Variants in FABP12 observed in about 807,000 individuals in gnomAD.
The protein encoded by FABP12 is fatty acid binding protein 12.
A neutral mutation model predicts 13.7 loss-of-function variants in FABP12; 19 were observed. The ratio of observed to expected loss-of-function variants is 1.39; its 90% CI spans 0.97 to 2.04. FABP12 has a LOEUF of 2.04. FABP12 is among the 30% of genes most tolerant of loss of function. The probability of loss-of-function intolerance (pLI) is 0.00; values close to 1 mark genes in which losing one functional copy is unlikely to be tolerated. For synonymous variants in FABP12, 61 were observed against 57.0 expected (o/e 1.07, Z -0.32); for missense variants, 182 against 164.2 (o/e 1.11, Z -0.59).
At chr8:81,537,411 T>A (rs1469301243), upstream of FABP12, among the ~76,000 whole-genome samples, 1 of 144,456 alleles carries the variant, frequency 6.9e-6, no homozygotes, top group Non-Finnish European at 1.5e-5. Context: ...ATTCTTCTAC[T>A]TTTTTTTTTA....
At chr8:81,530,666 T>G (rs370653987) in intron 2 of FABP12, among the ~76,000 whole-genome samples, 1 of 152,228 alleles carries the variant, frequency 6.6e-6, no homozygotes, top group African/African-American at 2.4e-5. Flanking sequence ...GAATGTTACC[T>G]TTACATGTTA....
chr8:81,580,025 C>G (rs575898907), intron 1 of FABP12, among the ~76,000 whole-genome samples: 64 of 152,318 alleles, frequency 4.2e-4, no homozygotes, highest in Non-Finnish European at 2.1e-4. Context: ...TACACACCTA[C>G]TTTCCACCTG....
In FABP12 at chr8:81,553,447, T is replaced by G. The variant is rs528494223; in HGVS notation, c.-184-13704A>C. On this transcript the variant is annotated intron_variant, in intron 1 of 5. Transcript: ENST00000692030. ...ACAGTGCTATTGTACCAATTTATAC[T>G]ATATTTTCACTTGATATGGTAAAGT... Among the ~76,000 whole-genome samples, 5 of 152,356 alleles carry G rather than the reference T, an allele frequency of 3.3e-5. No homozygotes were observed. The South Asian group carries it at 1.0e-3, about 32-fold the overall frequency.
intron 1 of FABP12, among the ~76,000 whole-genome samples, chr8:81,571,024 A>G (rs1011664267): frequency 6.7e-5 from 10 of 148,896 alleles, no homozygotes; most frequent in African/African-American, 2.5e-4. Context: ...AGGCACCTGC[A>G]GGCCAGCGCC....
intron 1 of FABP12, among the ~76,000 whole-genome samples, chr8:81,551,886 C>G (rs917980038): frequency 6.6e-6 from 1 of 152,092 alleles, no homozygotes; most frequent in Non-Finnish European, 1.5e-5. Flanking sequence ...TTCATTCATT[C>G]ATTCATGTAT....
intron 1 of FABP12, among the ~76,000 whole-genome samples, chr8:81,560,227 C>G (rs185785922): frequency 6.6e-6 from 1 of 152,118 alleles, no homozygotes; most frequent in South Asian, 2.1e-4. Flanking sequence ...CATAATTGGC[C>G]CCTACTGCCC....
chr8:81,537,242 A>G (rs567067086), upstream of FABP12, among the ~76,000 whole-genome samples: 1 of 152,218 alleles, frequency 6.6e-6, no homozygotes, highest in African/African-American at 2.4e-5. Flanking sequence ...AGACAGAAAG[A>G]TACGAGAATC....
intron 1 of FABP12, among the ~76,000 whole-genome samples, chr8:81,582,118 A>ATTTTTTTTTTTTTTTT (rs34960860): frequency 2.1e-5 from 2 of 96,788 alleles, no homozygotes; most frequent in East Asian, 3.4e-4. Context: ...GCTAACTGGA[A>ATTTTTTTTTTTTTTTT]TTTTTTTTTT....
chr8:81,574,755 C>T (rs1810003846), intron 1 of FABP12, among the ~76,000 whole-genome samples: 1 of 152,042 alleles, frequency 6.6e-6, no homozygotes. Context: ...TCATAGTAGC[C>T]TTGAATGATG....
intron 1 of FABP12, among the ~76,000 whole-genome samples, chr8:81,582,008 A>G (rs1371884394): frequency 6.6e-6 from 1 of 152,158 alleles, no homozygotes; most frequent in Non-Finnish European, 1.5e-5. Context: ...AAATAAACAA[A>G]ACAACCATAA....
intron 1 of FABP12, among the ~76,000 whole-genome samples, chr8:81,544,007 G>A (rs1809395038): frequency 6.6e-6 from 1 of 152,132 alleles, no homozygotes; most frequent in Non-Finnish European, 1.5e-5. Context: ...ATAGAGCACA[G>A]GAAATAAAGA....
At chr8:81,554,290 G>C (rs757746563) in intron 1 of FABP12, among the ~76,000 whole-genome samples, 3 of 152,046 alleles carry the variant, frequency 2.0e-5, no homozygotes, top group Non-Finnish European at 4.4e-5. Flanking sequence ...ACATTGGAAG[G>C]CCTACTATAT....
At chr8:81,582,102 A>G (rs1216655976) in intron 1 of FABP12, among the ~76,000 whole-genome samples, 1 of 150,966 alleles carries the variant, frequency 6.6e-6, no homozygotes, top group Non-Finnish European at 1.5e-5. Context: ...TAAAAGAAAT[A>G]CATTGGCTAA....
chr8:81,553,328 G>T (rs965476417), intron 1 of FABP12, among the ~76,000 whole-genome samples: 9 of 152,104 alleles, frequency 5.9e-5, no homozygotes, highest in Admixed American at 3.3e-4. Context: ...GTATGGCTGG[G>T]TGATCACTTC....
At chr8:81,552,041 C>T (rs1017967556) in intron 1 of FABP12, among the ~76,000 whole-genome samples, 1 of 152,068 alleles carries the variant, frequency 6.6e-6, no homozygotes, top group Non-Finnish European at 1.5e-5. Context: ...GACTAGCAAA[C>T]AAGCAACAGC....
intron 1 of FABP12, among the ~76,000 whole-genome samples, chr8:81,571,327 A>C (rs1456727733): frequency 1.3e-5 from 2 of 152,226 alleles, no homozygotes; most frequent in African/African-American, 4.8e-5. Context: ...TTGGGCCTTG[A>C]GTAGCTGCAG....
At chr8:81,566,803 A>C (rs75851315) in intron 1 of FABP12, among the ~76,000 whole-genome samples, 7,257 of 152,244 alleles carry the variant, frequency 0.048, 222 homozygotes, top group East Asian at 0.16. Flanking sequence ...TGGAAGTCCT[A>C]GCTAGAGCAA....
rs34484987 is a variant in FABP12, at chr8:81,589,495, G to T, written c.-185+558C>A. ...TCACCTCCCAGAAATCACAAACAGC[G>T]CTGACCTCCCCCTGGCCCCACTCCT... is the stretch of plus-strand genomic sequence containing the variant. On this transcript the variant is annotated intron_variant, in intron 1 of 5. Coordinates refer to the FABP12 transcript ENST00000692030. 9.9e-5 allele frequency among the ~76,000 whole-genome samples: 15 copies of T among 152,140 alleles called. No individual in the cohort carries two copies. In the East Asian group the frequency reaches 2.9e-3, roughly 29 times the overall value.
At chr8:81,567,505 A>G (rs1809846741) in intron 1 of FABP12, among the ~76,000 whole-genome samples, 1 of 152,162 alleles carries the variant, frequency 6.6e-6, no homozygotes, top group Admixed American at 6.5e-5. Context: ...TAAATCCATA[A>G]ATCTAGAGTA....
Sources: gnomAD v4.1 joint callset for allele counts (sites outside exome capture counted in the v4.1 genomes callset) on GRCh38, gnomAD v4.1.1 for gene constraint, MANE v1.5 for transcripts, NCBI Gene and HGNC (gene_info 2026-07-23, HGNC 2026-07-21) for gene names.